PRKN: variants seen among roughly 807,000 people sequenced by gnomAD.
The protein encoded by PRKN is E3 ubiquitin-protein ligase parkin.
A neutral mutation model predicts 59.5 loss-of-function variants in PRKN; 56 were observed. The ratio of observed to expected loss-of-function variants is 0.94; its 90% confidence interval spans 0.76 to 1.18. The LOEUF (loss-of-function observed/expected upper bound fraction) is 1.18. PRKN is among the 50% of genes most tolerant of loss of function. The pLI is 0.00. For synonymous variants in PRKN, 250 were observed against 222.1 expected (o/e 1.13, Z -1.12); for missense variants, 657 against 596.4 (o/e 1.10, Z -1.06).
intron 3 of PRKN, among the ~76,000 whole-genome samples, chr6:162,226,678 C>T (rs1328396882): frequency 8.5e-5 from 13 of 152,140 alleles, no homozygotes; most frequent in African/African-American, 3.1e-4. Context: ...GGACTACAGG[C>T]GCCTGCTACC....
intron 4 of PRKN, among the ~76,000 whole-genome samples, chr6:162,060,847 T>C (rs879402961): frequency 1.3e-5 from 2 of 152,234 alleles, no homozygotes; most frequent in African/African-American, 2.4e-5. Context: ...ACTTAAACTA[T>C]ACTTACCCTA....
chr6:161,605,893 T>C (rs1159161701), intron 7 of PRKN, among the ~76,000 whole-genome samples: 3 of 152,064 alleles, frequency 2.0e-5, no homozygotes, highest in Non-Finnish European at 4.4e-5. Flanking sequence ...TCCTATGGTA[T>C]CAGCCAGAGG....
At chr6:161,804,853 T>C (rs577639085) in intron 6 of PRKN, among the ~76,000 whole-genome samples, 2 of 152,330 alleles carry the variant, frequency 1.3e-5, no homozygotes, top group East Asian at 1.9e-4. Flanking sequence ...AAGGGCCTAA[T>C]CCAGTACTCA....
Position 161,588,499 on chromosome 6 carries a change from A to C in PRKN, c.872-19083T>G, listed in dbSNP as rs1781599120. On this transcript the variant is annotated intron_variant, in intron 7 of 11. Transcript: ENST00000366898. This position sits in a 1 kb window ranked among gnomAD's most constrained non-coding sequence, Gnocchi z 5.0. ...CAATTTAAGGATATTTGCAACAAAC[A>C]AGTTGGTTTGCTGGTGTTGCTCTTG... 6.6e-6 allele frequency among the ~76,000 whole-genome samples: 1 copy of C among 152,116 alleles called. No homozygotes were observed. The highest frequency in any genetic ancestry group is 1.5e-5 in the Non-Finnish European group (1 of 68,022).
chr6:162,687,411 C>T (rs1777610050), intron 1 of PRKN, among the ~76,000 whole-genome samples: 1 of 151,994 alleles, frequency 6.6e-6, no homozygotes, highest in African/African-American at 2.4e-5. Context: ...GTCTCGATCT[C>T]CTGACCTCGT....
intron 1 of PRKN, among the ~76,000 whole-genome samples, chr6:162,600,121 C>T (rs543586997): frequency 6.6e-6 from 1 of 152,272 alleles, no homozygotes; most frequent in South Asian, 2.1e-4. Context: ...CAATAGCTTC[C>T]TTGTGCCTCT....
At chr6:162,014,558 A>C (rs892370887) in intron 5 of PRKN, among the ~76,000 whole-genome samples, 8 of 152,286 alleles carry the variant, frequency 5.3e-5, no homozygotes, top group Admixed American at 5.2e-4. Flanking sequence ...GCACGGATCC[A>C]CCTGACCCTT....
intron 2 of PRKN, among the ~76,000 whole-genome samples, chr6:162,438,358 C>G (rs181546360): frequency 6.6e-6 from 1 of 152,142 alleles, no homozygotes; most frequent in East Asian, 1.9e-4. Context: ...TTGTATTTAA[C>G]CATATTTTTG....
At chr6:162,243,484 C>G (rs573331115) in intron 3 of PRKN, among the ~76,000 whole-genome samples, 2 of 151,766 alleles carry the variant, frequency 1.3e-5, no homozygotes, top group Non-Finnish European at 2.9e-5. Flanking sequence ...ACAGGTTGAT[C>G]ATTTGAAAAA....
At chr6:161,842,095 C>T (rs55897349) in intron 6 of PRKN, among the ~76,000 whole-genome samples, 5 of 152,124 alleles carry the variant, frequency 3.3e-5, no homozygotes, top group South Asian at 2.1e-4. Flanking sequence ...GGAGCACACT[C>T]GGCTTGTCCT....
At chr6:161,594,520 C>G (rs1781844821) in intron 7 of PRKN, among the ~76,000 whole-genome samples, 1 of 152,178 alleles carries the variant, frequency 6.6e-6, no homozygotes, top group African/African-American at 2.4e-5. Flanking sequence ...ACCCGTAGGA[C>G]ACAATAATAT....
At chr6:162,466,505 C>A (rs1791421965) in intron 1 of PRKN, among the ~76,000 whole-genome samples, 1 of 152,148 alleles carries the variant, frequency 6.6e-6, no homozygotes, top group Non-Finnish European at 1.5e-5. Context: ...CTCAAGTAAT[C>A]CTCCCACCTC....
chr6:162,642,144 C>T (rs924697372), intron 1 of PRKN, among the ~76,000 whole-genome samples: 4 of 152,134 alleles, frequency 2.6e-5, no homozygotes, highest in African/African-American at 9.7e-5. Flanking sequence ...ACTTCTATTT[C>T]ATAGACAAAG....
chr6:162,231,870 G>C (rs990878684), intron 3 of PRKN, among the ~76,000 whole-genome samples: 9 of 152,134 alleles, frequency 5.9e-5, no homozygotes, highest in Admixed American at 6.5e-5. Flanking sequence ...AAGACAGAAG[G>C]AAAACTAAGG....
chr6:162,509,004 ATAAC>A (rs1275623546), intron 1 of PRKN, among the ~76,000 whole-genome samples: 1 of 152,232 alleles, frequency 6.6e-6, no homozygotes, highest in Non-Finnish European at 1.5e-5. Flanking sequence ...CATTATCAAA[ATAAC>A]TAAGAATCTA....
At chr6:162,145,694 A>AT (rs1491445548) in intron 4 of PRKN, among the ~76,000 whole-genome samples, 1 of 152,134 alleles carries the variant, frequency 6.6e-6, no homozygotes, top group Non-Finnish European at 1.5e-5. Context: ...GAGGTTTCCC[A>AT]TTGGCCACTT....
In PRKN at chr6:162,111,463, T is replaced by TAA. The variant is rs144971105; in HGVS notation, c.535-57291_535-57290dup. 1.4e-3 allele frequency among the ~76,000 whole-genome samples: 215 copies of TAA among 150,714 alleles called. 1 individual carries two copies. Among genetic ancestry groups the TAA allele is most frequent in the African/African-American group, 5.0e-3 (205 of 41,040 alleles). On this transcript the variant is annotated intron_variant, in intron 4 of 11. Transcript: ENST00000366898. ...CTGGGCAACAGAGTGAGACTCTGTC[T>TAA]AAAAAAAAAGAGATGCACACTACAA...
rs560682819 is a variant in PRKN, at chr6:161,447,883, A to T, written c.1084-61006T>A. On this transcript the variant is annotated intron_variant, in intron 9 of 11. Coordinates refer to ENST00000366898, the MANE Select transcript of PRKN (RefSeq NM_004562.3). The surrounding 1 kb of genome is among the most constrained non-coding windows in gnomAD (Gnocchi z 4.1). Reference sequence around the variant, plus strand: ...AATTTCACAGGCCTAGAGGAAAGTTAAGCCCTGGAAATGGAGTTGTGAGAG... The same window carrying T: ...AATTTCACAGGCCTAGAGGAAAGTTTAGCCCTGGAAATGGAGTTGTGAGAG... Among the ~76,000 whole-genome samples, 4 of 152,310 alleles carry T rather than the reference A, an allele frequency of 2.6e-5. No homozygotes were observed. In the South Asian group the frequency reaches 8.3e-4, roughly 32 times the overall value.
At chr6:161,909,851 T>C (rs2128236778) in intron 6 of PRKN, among the ~76,000 whole-genome samples, 1 of 152,278 alleles carries the variant, frequency 6.6e-6, no homozygotes, top group East Asian at 1.9e-4. Flanking sequence ...CCTAACGTTG[T>C]GGTTATGGGT....
Sources: allele counts gnomAD v4.1 joint callset (sites outside exome capture counted in the v4.1 genomes callset), GRCh38; gene constraint gnomAD v4.1.1; non-coding constraint Gnocchi (gnomAD v3.1); transcripts MANE v1.5; gene names NCBI Gene and HGNC (gene_info 2026-07-23, HGNC 2026-07-21).